SWT1: variants seen among roughly 807,000 people sequenced by gnomAD.
The protein encoded by SWT1 is transcriptional protein SWT1.
A neutral mutation model predicts 107.3 loss-of-function variants in SWT1; 33 were observed. The ratio of observed to expected loss-of-function variants is 0.31; its 90% CI spans 0.23 to 0.41. The LOEUF is 0.41. SWT1 is among the 10% of genes least tolerant of loss of function. The probability of loss-of-function intolerance (pLI) is 1.00; values close to 1 mark genes in which losing one functional copy is unlikely to be tolerated. For synonymous variants in SWT1, 345 were observed against 348.3 expected, an observed-to-expected ratio of 0.99 and a Z score of 0.11; for missense variants, 898 against 1,028.9, an observed-to-expected ratio of 0.87 and a Z score of 1.74.
intron 4 of SWT1, among the ~76,000 whole-genome samples, chr1:185,169,276 A>G (rs1035402239): frequency 9.1e-4 from 129 of 141,930 alleles, no homozygotes; most frequent in African/African-American, 3.3e-3. Context: ...TTACACTGAT[A>G]TCCTTTTTTT....
intron 16 of SWT1, among the ~76,000 whole-genome samples, chr1:185,244,662 A>C (rs1371753222): frequency 6.6e-6 from 1 of 152,154 alleles, no homozygotes; most frequent in African/African-American, 2.4e-5. Context: ...CTTAGGCTCC[A>C]CTCAATTAAA....
intron 16 of SWT1, among the ~76,000 whole-genome samples, chr1:185,248,774 C>CAA (rs1661791605): frequency 9.5e-6 from 1 of 104,870 alleles, no homozygotes; most frequent in African/African-American, 4.7e-5. Context: ...TACGACTAAG[C>CAA]CAAAAAAAAA....
chr1:185,285,470 C>T (rs532365737), intron 18 of SWT1, among the ~76,000 whole-genome samples: 92 of 152,316 alleles, frequency 6.0e-4, no homozygotes, highest in African/African-American at 2.0e-3. Flanking sequence ...ATAATTTGCA[C>T]ATATTTTCTC....
intron 16 of SWT1, among the ~76,000 whole-genome samples, chr1:185,248,406 G>A (rs896870941): frequency 2.0e-5 from 3 of 152,014 alleles, no homozygotes; most frequent in African/African-American, 4.8e-5. Flanking sequence ...CATATTTTTC[G>A]TATCATGCAT....
At chr1:185,249,193 G>C (rs373475486) in intron 16 of SWT1, among the ~76,000 whole-genome samples, 1 of 152,270 alleles carries the variant, frequency 6.6e-6, no homozygotes, top group East Asian at 1.9e-4. Flanking sequence ...GAGCTTTGTC[G>C]CAGGCTGCAG....
At chr1:185,228,473 G>GA (rs1250122124) in intron 15 of SWT1, among the ~76,000 whole-genome samples, 1 of 151,436 alleles carries the variant, frequency 6.6e-6, no homozygotes, top group East Asian at 2.0e-4. Flanking sequence ...AGTGAGCTGT[G>GA]ATTGTACCAC....
At chr1:185,179,532 CATATA>C (rs947615743) in intron 5 of SWT1, among the ~76,000 whole-genome samples, 6 of 152,174 alleles carry the variant, frequency 3.9e-5, no homozygotes, top group East Asian at 1.9e-4. Context: ...GCTCTAACTA[CATATA>C]ATATAACCGT....
chr1:185,268,810 A>T (rs569648890), intron 16 of SWT1, among the ~76,000 whole-genome samples: 10 of 152,104 alleles, frequency 6.6e-5, no homozygotes, highest in Non-Finnish European at 1.2e-4. Flanking sequence ...GAATAGGTAT[A>T]AAATATTCCA....
intron 16 of SWT1, among the ~76,000 whole-genome samples, chr1:185,258,183 ATG>A (rs1045801075): frequency 2.6e-5 from 4 of 152,090 alleles, no homozygotes; most frequent in Non-Finnish European, 5.9e-5. Context: ...AACGTAATAA[ATG>A]TGTACTTGAT....
At chr1:185,220,503 A>G (rs1477496859) in intron 14 of SWT1, among the ~76,000 whole-genome samples, 1 of 151,032 alleles carries the variant, frequency 6.6e-6, no homozygotes, top group Non-Finnish European at 1.5e-5. Flanking sequence ...TTCCCCTCTT[A>G]TTTTTGCTAG....
At chr1:185,268,853 CTT>C (rs71101966) in intron 16 of SWT1, among the ~76,000 whole-genome samples, 11 of 134,562 alleles carry the variant, frequency 8.2e-5, no homozygotes, top group Admixed American at 3.0e-4. Context: ...TTCTTTTTCT[CTT>C]TTTTTTTTTT....
intron 13 of SWT1, among the ~76,000 whole-genome samples, chr1:185,212,935 C>T (rs1377311861): frequency 2.6e-5 from 4 of 152,088 alleles, no homozygotes; most frequent in South Asian, 2.1e-4. Flanking sequence ...GAGAATACCA[C>T]GCATGTATCC....
At chr1:185,227,062 C>G (rs1660124737) in intron 15 of SWT1, 2 of 986,150 alleles carry the variant, frequency 2.0e-6, no homozygotes, top group Non-Finnish European at 1.6e-6. Context: ...TTATCTTCTT[C>G]CATTAAATAG....
At chr1:185,225,129 G>C (rs114998432) in intron 15 of SWT1, among the ~76,000 whole-genome samples, 3 of 151,976 alleles carry the variant, frequency 2.0e-5, no homozygotes, top group African/African-American at 4.8e-5. Flanking sequence ...AATCATGAAG[G>C]GATGTTGAAT....
chr1:185,235,887 C>A (rs1314059771), intron 16 of SWT1, among the ~76,000 whole-genome samples: 2 of 152,176 alleles, frequency 1.3e-5, no homozygotes, highest in Non-Finnish European at 2.9e-5. Flanking sequence ...GCAAAAATCA[C>A]AAGCATTCCT....
intron 5 of SWT1, among the ~76,000 whole-genome samples, chr1:185,179,397 T>C (rs1655837352): frequency 6.6e-6 from 1 of 152,364 alleles, no homozygotes; most frequent in African/African-American, 2.4e-5. Context: ...CTGAGCTTCC[T>C]GTCACCTGTA....
At chr1:185,245,140 A>G (rs1418515541) in intron 16 of SWT1, among the ~76,000 whole-genome samples, 2 of 152,182 alleles carry the variant, frequency 1.3e-5, no homozygotes, top group African/African-American at 2.4e-5. Flanking sequence ...TTTCAGATCT[A>G]TGCTTTCTAG....
intron 13 of SWT1, among the ~76,000 whole-genome samples, chr1:185,213,038 A>G (rs1658946491): frequency 1.3e-5 from 2 of 152,244 alleles, no homozygotes; most frequent in South Asian, 4.1e-4. Flanking sequence ...TTGGCCTTAT[A>G]TAAGCATTAG....
chr1:185,201,717 C>T (rs1158984655), intron 10 of SWT1, among the ~76,000 whole-genome samples: 1 of 152,150 alleles, frequency 6.6e-6, no homozygotes, highest in African/African-American at 2.4e-5. Context: ...CAGCTGCCAA[C>T]CTAGAGCACT....
Sources: allele counts gnomAD v4.1 joint callset (sites outside exome capture counted in the v4.1 genomes callset), GRCh38; gene constraint gnomAD v4.1.1; transcripts MANE v1.5; gene names NCBI Gene and HGNC (gene_info 2026-07-23, HGNC 2026-07-21).